EHBP1: variants seen among roughly 807,000 people sequenced by gnomAD.
EHBP1 encodes EH domain-binding protein 1.
In EHBP1, 55 loss-of-function variants were observed where a neutral mutation model predicts 144.0. That is an observed-to-expected ratio of 0.38 (90% confidence interval 0.31 to 0.48). The LOEUF (loss-of-function observed/expected upper bound fraction) is 0.48, where lower values mean the gene tolerates loss of function less well. EHBP1 is among the 20% of genes least tolerant of loss of function. The pLI, the probability that EHBP1 is intolerant of heterozygous loss-of-function variation, is 0.98. For missense variants in EHBP1, 1,200 were observed against 1,364.2 expected (o/e 0.88, Z 1.90); for synonymous variants, 469 against 472.7 (o/e 0.99, Z 0.10).
Position 62,840,787 on chromosome 2 carries a change from G to A in EHBP1, c.634+9629G>A, listed in dbSNP as rs548689073. ...GAGAAATGCAAATCAAAACCACTATGAGATATCATCTCACACCAGTTAGAA... is the reference window on the plus strand; with the variant it reads ...GAGAAATGCAAATCAAAACCACTATAAGATATCATCTCACACCAGTTAGAA... On this transcript the variant is annotated intron_variant, in intron 7 of 22. Coordinates refer to ENST00000431489, the MANE Select transcript of EHBP1 (RefSeq NM_001142616.3). 9.6e-3 allele frequency among the ~76,000 whole-genome samples: 1,450 copies of A among 151,722 alleles called. 17 individuals are homozygous for A. Among genetic ancestry groups the A allele is most frequent in the Non-Finnish European group, 0.016 (1,095 of 67,830 alleles).
At chr2:62,880,784 A>G (rs2051337885) in intron 10 of EHBP1, among the ~76,000 whole-genome samples, 2 of 152,176 alleles carry the variant, frequency 1.3e-5, no homozygotes, top group Admixed American at 1.3e-4. Flanking sequence ...GAGAAAAGGG[A>G]ATACTTATAC....
Position 62,771,332 on chromosome 2 carries a change from G to T in EHBP1, c.259-7G>T. The T allele has an allele frequency of 6.3e-7, 1 of 1,590,676 alleles. No homozygotes were observed. On this transcript the variant is annotated splice_region_variant and splice_polypyrimidine_tract_variant and intron_variant, in intron 4 of 22. Coordinates refer to ENST00000431489, the MANE Select transcript of EHBP1 (RefSeq NM_001142616.3). ...CAATTCCATTTCATATTTTGCTTTTGTTACAGGATCCTCATGCGGAAGAAT... is the reference window on the plus strand; with the variant it reads ...CAATTCCATTTCATATTTTGCTTTTTTTACAGGATCCTCATGCGGAAGAAT...
chr2:62,730,783 CAGAG>C (rs376814526), intron 2 of EHBP1, among the ~76,000 whole-genome samples: 1 of 126,038 alleles, frequency 7.9e-6, no homozygotes. Context: ...AAGAGACAGA[CAGAG>C]AAAGACAGAG....
intron 1 of EHBP1, among the ~76,000 whole-genome samples, chr2:62,698,070 G>A (rs1054851418): frequency 1.3e-4 from 20 of 152,160 alleles, no homozygotes; most frequent in African/African-American, 4.8e-4. Flanking sequence ...GCTGTAGGCT[G>A]GACAAGACAC....
At chr2:63,012,333 A>G (rs1297221922) in intron 19 of EHBP1, among the ~76,000 whole-genome samples, 2 of 152,102 alleles carry the variant, frequency 1.3e-5, no homozygotes, top group Admixed American at 6.6e-5. Flanking sequence ...GATTATTCAT[A>G]TACTATATCT....
intron 1 of EHBP1, among the ~76,000 whole-genome samples, chr2:62,699,199 C>G (rs1034423997): frequency 1.3e-5 from 2 of 152,134 alleles, no homozygotes; most frequent in Non-Finnish European, 2.9e-5. Flanking sequence ...CAGAGGAAAA[C>G]ACTGGCTGGA....
chr2:62,915,129 G>A (rs1362170544), intron 10 of EHBP1, among the ~76,000 whole-genome samples: 1 of 151,820 alleles, frequency 6.6e-6, no homozygotes, highest in Non-Finnish European at 1.5e-5. Context: ...GTATACGTAT[G>A]GATCTTTTAA....
intron 21 of EHBP1, among the ~76,000 whole-genome samples, chr2:63,042,215 A>G (rs1019226289): frequency 1.3e-5 from 2 of 152,182 alleles, no homozygotes; most frequent in Admixed American, 6.5e-5. Context: ...TGCGAATGTG[A>G]ATCTTGATCA....
intron 2 of EHBP1, among the ~76,000 whole-genome samples, chr2:62,708,884 T>C (rs1443207342): frequency 6.6e-6 from 1 of 152,140 alleles, no homozygotes; most frequent in Non-Finnish European, 1.5e-5. Flanking sequence ...TTGATATTAA[T>C]GGGGTTTAAA....
intron 19 of EHBP1, among the ~76,000 whole-genome samples, chr2:63,014,074 G>A (rs1351342065): frequency 6.6e-6 from 1 of 152,212 alleles, no homozygotes; most frequent in African/African-American, 2.4e-5. Context: ...GAGATCACTA[G>A]TTAATAGGAT....
At chr2:62,753,350 A>C (rs1049738970) in intron 3 of EHBP1, among the ~76,000 whole-genome samples, 8 of 152,112 alleles carry the variant, frequency 5.3e-5, no homozygotes, top group African/African-American at 1.9e-4. Flanking sequence ...TCTGGCTTGT[A>C]GAGTTTCTGC....
chr2:62,820,225 G>GAA (rs372533264), intron 5 of EHBP1, among the ~76,000 whole-genome samples: 15 of 100,688 alleles, frequency 1.5e-4, no homozygotes, highest in South Asian at 6.9e-4. Flanking sequence ...AAAAAAAAAA[G>GAA]AAAAAAAAAA....
At chr2:62,681,340 G>GTATGTATATATATATATATATATATATA (rs2033511254) in intron 1 of EHBP1, among the ~76,000 whole-genome samples, 1 of 58,552 alleles carries the variant, frequency 1.7e-5, no homozygotes, top group African/African-American at 8.6e-5. Context: ...ATGTGTGTGT[G>GTATGTATATATATATATATATATATATA]TATATATATA....
chr2:62,679,639 A>G (rs955021752), intron 1 of EHBP1, among the ~76,000 whole-genome samples: 1 of 152,198 alleles, frequency 6.6e-6, no homozygotes, highest in Non-Finnish European at 1.5e-5. Flanking sequence ...GGGAAAAAAT[A>G]GTTGCAAATT....
intron 3 of EHBP1, among the ~76,000 whole-genome samples, chr2:62,756,768 C>CAAA (rs34717027): frequency 2.2e-4 from 17 of 76,618 alleles, no homozygotes; most frequent in Non-Finnish European, 2.9e-4. Flanking sequence ...AACTCTATCT[C>CAAA]AAAAAAAAAA....
chr2:62,856,344 C>T (rs1314980999), intron 7 of EHBP1, among the ~76,000 whole-genome samples: 1 of 152,218 alleles, frequency 6.6e-6, no homozygotes, highest in African/African-American at 2.4e-5. Flanking sequence ...CTGGCATCTC[C>T]AAGCTTCCAG....
At chr2:62,953,191 T>C (rs1404551717) in intron 13 of EHBP1, among the ~76,000 whole-genome samples, 6 of 116,798 alleles carry the variant, frequency 5.1e-5, no homozygotes, top group African/African-American at 2.1e-4. Flanking sequence ...TACTCCGGCC[T>C]GGGCAACAAG....
chr2:62,823,233 A>G (rs1422114629), intron 5 of EHBP1, among the ~76,000 whole-genome samples: 1 of 152,120 alleles, frequency 6.6e-6, no homozygotes, highest in East Asian at 1.9e-4. Flanking sequence ...TTTTGAACTA[A>G]TTTCGAAAAT....
chr2:62,788,638 A>G (rs996897287), intron 5 of EHBP1, among the ~76,000 whole-genome samples: 1 of 152,210 alleles, frequency 6.6e-6, no homozygotes, highest in African/African-American at 2.4e-5. Context: ...CTTTCACTTA[A>G]GAAAAGCAAT....
Sources: gnomAD v4.1 joint callset for allele counts (sites outside exome capture counted in the v4.1 genomes callset) on GRCh38, gnomAD v4.1.1 for gene constraint, MANE v1.5 for transcripts, NCBI Gene and HGNC (gene_info 2026-07-23, HGNC 2026-07-21) for gene names.